The following ZFC3H1 variants were observed in gnomAD, a reference collection of about 807,000 sequenced individuals.
ZFC3H1 encodes the protein zinc finger C3H1-type containing, also known as zinc finger C3H1 domain-containing protein.
ZFC3H1 carries 71 observed loss-of-function variants against 243.7 expected under a neutral mutation model. The ratio of observed to expected loss-of-function variants is 0.29; its 90% CI spans 0.24 to 0.36. The LOEUF (loss-of-function observed/expected upper bound fraction) is 0.36, where lower values mean the gene tolerates loss of function less well. ZFC3H1 is among the 10% of genes least tolerant of loss of function. The probability of loss-of-function intolerance (pLI) is 1.00; values close to 1 mark genes in which losing one functional copy is unlikely to be tolerated. For synonymous variants in ZFC3H1, 838 were observed against 813.0 expected (o/e 1.03, Z -0.52); for missense variants, 1,966 against 2,317.1 (o/e 0.85, Z 3.11).
At chr12:71,636,457 T>C in intron 9 of ZFC3H1, 33 bp downstream of exon 9, 1 of 1,572,868 alleles carries the variant, frequency 6.4e-7, no homozygotes, top group Non-Finnish European at 8.6e-7. Flanking sequence ...CATAACTGTT[T>C]GAATAAAAGT....
chr12:71,662,938 G>A (rs895155018), intron 1 of ZFC3H1, 75 bp downstream of exon 1: 3 of 1,393,052 alleles, frequency 2.2e-6, no homozygotes, highest in Non-Finnish European at 2.9e-6. Flanking sequence ...AGTTACACTC[G>A]TCTCACAGAC....
At chr12:71,652,181 T>C (rs1377144067) in intron 2 of ZFC3H1, among the ~76,000 whole-genome samples, 2 of 152,146 alleles carry the variant, frequency 1.3e-5, no homozygotes, top group Admixed American at 6.5e-5. Context: ...GAAATATACA[T>C]GTAGAAACAT....
At chr12:71,649,577 C>A (rs1484933067) in intron 2 of ZFC3H1, among the ~76,000 whole-genome samples, 2 of 152,154 alleles carry the variant, frequency 1.3e-5, no homozygotes, top group Non-Finnish European at 2.9e-5. Flanking sequence ...TCTCCACACA[C>A]CCTATTGTTT....
intron 28 of ZFC3H1, 41 bp from the exon 29 acceptor site, chr12:71,614,979 T>C: frequency 6.7e-7 from 1 of 1,489,670 alleles, no homozygotes; most frequent in Non-Finnish European, 9.4e-7. Flanking sequence ...TATCATTCAT[T>C]TCCATCAGGT....
intron 1 of ZFC3H1, among the ~76,000 whole-genome samples, chr12:71,661,626 C>T (rs2137569370): frequency 6.6e-6 from 1 of 151,976 alleles, no homozygotes; most frequent in South Asian, 2.1e-4. Flanking sequence ...GAAATACAAG[C>T]ACCCAACACC....
Position 71,634,733 on chromosome 12 carries a change from T to G in ZFC3H1, c.2331A>C (p.Glu777Asp), listed in dbSNP as rs1207650674. The change falls in exon 11 of 35, where the codon GAA becomes GAC. Residue 777 changes from glutamate (E) to aspartate (D), a missense_variant. Around this residue, in one of 4 missense-constraint regions of ZFC3H1, gnomAD observed 1,383 missense variants for 1,723.7 expected, o/e 0.80. Coordinates refer to ENST00000378743, the MANE Select transcript of ZFC3H1 (RefSeq NM_144982.5). ...CAATCTCTTCCTTTAACAATCTATA[T>G]TCAATCTTCTTTTCTTCAGGCAAAG... ...PEALPEEKKI[E>D]YRLLKEEIAN... 1 of 1,604,448 alleles carries G rather than the reference T, an allele frequency of 6.2e-7. No individual in the cohort carries two copies. The highest frequency in any genetic ancestry group is 1.3e-5 in the African/African-American group (1 of 74,132).
At chr12:71,617,486 A>G (rs1231064813) in intron 27 of ZFC3H1, among the ~76,000 whole-genome samples, 1 of 152,180 alleles carries the variant, frequency 6.6e-6, no homozygotes, top group Non-Finnish European at 1.5e-5. Flanking sequence ...ATTTTTATTG[A>G]TGCTTATTTA....
chr12:71,635,716 T>C (rs1880441656), intron 9 of ZFC3H1, 136 bp from the exon 10 acceptor site: 3 of 696,236 alleles, frequency 4.3e-6, no homozygotes, highest in Non-Finnish European at 6.4e-6. Context: ...CATAATCCAC[T>C]GAGTCGACCA....
rs149939983 is a variant in ZFC3H1 at position 71,619,238 on chromosome 12, T to A, written c.5144+77A>T. On this transcript the variant is annotated intron_variant, in intron 27 of 34. Coordinates refer to ENST00000378743, the MANE Select transcript of ZFC3H1 (RefSeq NM_144982.5). ...AAAGTCAGTCTAAAATGTCATCATA[T>A]AAGAAAAAAACTGTAATCTTTCTAC... The A allele has an allele frequency of 7.5e-6, 10 of 1,337,504 alleles. No homozygotes were observed. In the African/African-American group the frequency reaches 1.5e-4, roughly 20 times the overall value. 82.9% of individuals were successfully genotyped at this position (1,337,504 alleles called of 1,614,324 possible).
At chr12:71,641,573 C>A (rs1880604018) in intron 6 of ZFC3H1, among the ~76,000 whole-genome samples, 1 of 152,196 alleles carries the variant, frequency 6.6e-6, no homozygotes. Flanking sequence ...TGAACATCAA[C>A]AAAATCAAGT....
Position 71,627,777 on chromosome 12 carries a change from C to A in ZFC3H1, c.4104G>T (p.Ala1368=). Residue 1368 remains alanine, a synonymous_variant, in exon 21 of 35, where the codon GCG becomes GCT. Coordinates refer to ENST00000378743, the MANE Select transcript of ZFC3H1 (RefSeq NM_144982.5). ...CCTCATTTTGATTCAAGTACTTGTA[C>A]GCAAGCTTGAGCCAAAGTTGTACAT... ...PSHVQLWLKL[A]YKYLNQNEGE... 6.2e-7 allele frequency: 1 copy of A among 1,612,910 alleles called. No individual in the cohort carries two copies. Among genetic ancestry groups the A allele is most frequent in the Non-Finnish European group, 8.5e-7 (1 of 1,179,538 alleles).
At chr12:71,651,327 T>C (rs555667351) in intron 2 of ZFC3H1, among the ~76,000 whole-genome samples, 15 of 152,316 alleles carry the variant, frequency 9.8e-5, no homozygotes, top group African/African-American at 3.4e-4. Flanking sequence ...CTGACCACCC[T>C]ATTAGTGCTG....
intron 1 of ZFC3H1, among the ~76,000 whole-genome samples, chr12:71,657,792 C>G (rs2137564474): frequency 6.6e-6 from 1 of 152,160 alleles, no homozygotes; most frequent in South Asian, 2.1e-4. Context: ...AGTTTGAGAC[C>G]AGCCTGGCCA....
chr12:71,631,375 G>C (rs2137534356), intron 16 of ZFC3H1, among the ~76,000 whole-genome samples: 1 of 152,058 alleles, frequency 6.6e-6, no homozygotes, highest in South Asian at 2.1e-4. Context: ...GTCTAAATGG[G>C]GGACCCACAA....
chr12:71,635,833 G>A (rs1880445183), intron 9 of ZFC3H1, among the ~76,000 whole-genome samples: 1 of 151,858 alleles, frequency 6.6e-6, no homozygotes, highest in Non-Finnish European at 1.5e-5. Flanking sequence ...CTATTATAAA[G>A]AACCACAATG....
chr12:71,644,501 A>G (rs1028872105), intron 4 of ZFC3H1, among the ~76,000 whole-genome samples, 183 bp from the exon 5 acceptor site: 3 of 152,218 alleles, frequency 2.0e-5, no homozygotes, highest in Non-Finnish European at 4.4e-5. Context: ...TAAAATCTCA[A>G]AACTATACTT....
intron 19 of ZFC3H1, 137 bp from the exon 20 acceptor site, chr12:71,629,174 G>C: frequency 1.7e-6 from 1 of 602,090 alleles, no homozygotes; most frequent in African/African-American, 2.9e-5. Flanking sequence ...TTTTTTTTTT[G>C]AGATGGAAGT....
At chr12:71,657,833 TA>T (rs1239166302) in intron 1 of ZFC3H1, among the ~76,000 whole-genome samples, 1 of 151,420 alleles carries the variant, frequency 6.6e-6, no homozygotes, top group East Asian at 1.9e-4. Flanking sequence ...TACTAAAAAT[TA>T]AAAAATTAGC....
intron 13 of ZFC3H1, 85 bp from the exon 14 acceptor site, chr12:71,633,102 G>T: frequency 1.4e-6 from 2 of 1,440,336 alleles, no homozygotes; most frequent in Non-Finnish European, 9.3e-7. Flanking sequence ...TGGCTTTTGA[G>T]CATTCAACTG....
Sources: allele counts gnomAD v4.1 joint callset (sites outside exome capture counted in the v4.1 genomes callset), GRCh38; gene constraint gnomAD v4.1.1; regional missense constraint gnomAD v4.1.1; transcripts MANE v1.5; gene names NCBI Gene and HGNC (gene_info 2026-07-23, HGNC 2026-07-21).